The following AOPEP variants were observed in gnomAD, a reference collection of about 807,000 sequenced individuals.
The protein encoded by AOPEP is aminopeptidase O (putative).
Under a neutral mutation model 98.1 loss-of-function variants are expected in AOPEP, and 77 were observed. That is an observed-to-expected ratio of 0.78 (90% CI 0.65 to 0.95). The LOEUF (loss-of-function observed/expected upper bound fraction) is 0.95, where lower values mean the gene tolerates loss of function less well. AOPEP is among the 40% of genes least tolerant of loss of function. The pLI, the probability that AOPEP is intolerant of heterozygous loss-of-function variation, is 0.00. For missense variants in AOPEP, 1,024 were observed against 1,024.7 expected (o/e 1.00, Z 0.01); for synonymous variants, 346 against 365.3 (o/e 0.95, Z 0.60).
intron 3 of AOPEP, among the ~76,000 whole-genome samples, chr9:94,787,297 T>C (rs1588207920): frequency 6.6e-6 from 1 of 152,330 alleles, no homozygotes; most frequent in Middle Eastern, 3.4e-3. Flanking sequence ...CATGTCACCT[T>C]GAGAGTGCAG....
chr9:95,088,087 C>T (rs981645886), downstream of AOPEP, among the ~76,000 whole-genome samples: 3 of 152,184 alleles, frequency 2.0e-5, no homozygotes, highest in African/African-American at 7.2e-5. Context: ...GTATAGCTGG[C>T]TGTGCCATCG....
chr9:94,748,840 C>T (rs1835084896), intron 1 of AOPEP, among the ~76,000 whole-genome samples: 1 of 152,148 alleles, frequency 6.6e-6, no homozygotes, highest in Admixed American at 6.5e-5. Flanking sequence ...AGGTAAGGTA[C>T]CCTTCTCATT....
the AOPEP span, among the ~76,000 whole-genome samples, chr9:95,143,479 T>C: frequency 3.9e-5 from 6 of 152,130 alleles, no homozygotes; most frequent in African/African-American, 1.4e-4. Context: ...TACACTCAGG[T>C]GTGGTGAAAA....
At chr9:95,106,310 G>GT in the AOPEP span, among the ~76,000 whole-genome samples, 1 of 152,092 alleles carries the variant, frequency 6.6e-6, no homozygotes, top group Non-Finnish European at 1.5e-5. Context: ...GAATTGGGTT[G>GT]TTTATCTTTT....
chr9:94,951,973 G>A (rs1179093241), intron 7 of AOPEP, among the ~76,000 whole-genome samples: 28 of 152,228 alleles, frequency 1.8e-4, no homozygotes, highest in Admixed American at 1.8e-3. Context: ...TGGACTAAGT[G>A]CCACAGCTGC....
In AOPEP at chr9:94,760,172, A is replaced by G; in HGVS notation, c.389A>G (p.Tyr130Cys). Residue 130 changes from tyrosine (Y) to cysteine (C), a missense_variant, in exon 2 of 17, where the codon TAC becomes TGC. Transcript: ENST00000375315. ...GCTTCTGGGATTTCTAGCTCAAAGT[A>G]CTGCTGTGACACAGGGAATCATGGG... ...EHASGISSSKYCCDTGNHGSE... is the reference protein window; with the variant it reads ...EHASGISSSKCCCDTGNHGSE... The G allele has an allele frequency of 6.2e-7, 1 of 1,614,222 alleles. No homozygotes were observed. Among genetic ancestry groups the G allele is most frequent in the Non-Finnish European group, 8.5e-7 (1 of 1,180,040 alleles).
intron 3 of AOPEP, among the ~76,000 whole-genome samples, chr9:94,775,032 TA>T (rs1180769405): frequency 1.3e-5 from 2 of 152,132 alleles, no homozygotes; most frequent in African/African-American, 2.4e-5. Flanking sequence ...ATTGGCTCTT[TA>T]AAAAAAGATA....
intron 9 of AOPEP, among the ~76,000 whole-genome samples, chr9:94,961,309 G>A (rs2058825907): frequency 6.6e-6 from 1 of 152,092 alleles, no homozygotes; most frequent in South Asian, 2.1e-4. Flanking sequence ...AAAATAGTGT[G>A]CATTTTTATT....
chr9:95,078,631 C>T (rs544806785), intron 14 of AOPEP, among the ~76,000 whole-genome samples: 31 of 152,386 alleles, frequency 2.0e-4, no homozygotes, highest in African/African-American at 7.0e-4. Context: ...CCCCAGCTGT[C>T]GCTCCCATCC....
At chr9:94,876,429 G>A (rs867248753) in intron 5 of AOPEP, among the ~76,000 whole-genome samples, 70 of 150,770 alleles carry the variant, frequency 4.6e-4, no homozygotes, top group African/African-American at 1.7e-3. Context: ...GCAATGGCGC[G>A]ATCTTGGCTC....
chr9:95,009,903 C>G (rs958048643), intron 13 of AOPEP, among the ~76,000 whole-genome samples: 1 of 150,562 alleles, frequency 6.6e-6, no homozygotes, highest in African/African-American at 2.4e-5. Context: ...TCATTGAGCC[C>G]AAATGATAAA....
chr9:94,851,816 G>T (rs1250419043), intron 5 of AOPEP, among the ~76,000 whole-genome samples: 1 of 149,976 alleles, frequency 6.7e-6, no homozygotes, highest in African/African-American at 2.5e-5. Flanking sequence ...AATCCTAGCT[G>T]CTTTTTAACC....
At chr9:94,825,615 A>G (rs1664655244) in intron 5 of AOPEP, among the ~76,000 whole-genome samples, 2 of 152,222 alleles carry the variant, frequency 1.3e-5, no homozygotes, top group Admixed American at 1.3e-4. Flanking sequence ...TGGAACATGC[A>G]GTGTTCTTTT....
At chr9:94,880,188 A>G (rs962362957) in intron 5 of AOPEP, among the ~76,000 whole-genome samples, 1 of 152,188 alleles carries the variant, frequency 6.6e-6, no homozygotes, top group African/African-American at 2.4e-5. Flanking sequence ...TTTTACAGGT[A>G]TCATCTTCAA....
chr9:94,779,103 G>A lies in AOPEP; in HGVS notation c.964+5935G>A, dbSNP rs76121653. Among the ~76,000 whole-genome samples, 991 of 152,258 alleles carry A rather than the reference G, an allele frequency of 6.5e-3. 9 individuals carry two copies. Among genetic ancestry groups the A allele is most frequent in the African/African-American group, 0.023 (935 of 41,524 alleles). ...GTGTCAACTTGACTGGATTAAAGGG[G>A]TTGGCAGATACACGCAGCTTCTTTA... is the stretch of plus-strand genomic sequence containing the variant. On this transcript the variant is annotated intron_variant, in intron 3 of 16. Transcript: ENST00000375315.
intron 5 of AOPEP, among the ~76,000 whole-genome samples, chr9:94,868,404 C>T (rs950431762): frequency 2.0e-5 from 3 of 152,198 alleles, no homozygotes; most frequent in Admixed American, 1.3e-4. Flanking sequence ...AGATGTAACA[C>T]GGCTACCTTG....
intron 5 of AOPEP, among the ~76,000 whole-genome samples, chr9:94,857,482 A>G (rs139972713): frequency 6.6e-6 from 1 of 152,300 alleles, no homozygotes; most frequent in East Asian, 1.9e-4. Flanking sequence ...GTAGGAGCGC[A>G]TTTTCCTTGT....
chr9:94,925,312 C>CT (rs1299531140), intron 6 of AOPEP, among the ~76,000 whole-genome samples: 6 of 152,198 alleles, frequency 3.9e-5, no homozygotes, highest in Non-Finnish European at 7.3e-5. Flanking sequence ...GTTTAGGTCA[C>CT]TTTTTTCCCC....
the AOPEP span, chr9:95,110,608 C>A: frequency 6.5e-5 from 68 of 1,039,532 alleles, no homozygotes; most frequent in Non-Finnish European, 7.3e-5. Context: ...CTATGCCATG[C>A]AAGCCTTTAA....
Sources: allele counts gnomAD v4.1 joint callset (sites outside exome capture counted in the v4.1 genomes callset), GRCh38; gene constraint gnomAD v4.1.1; transcripts MANE v1.5; gene names NCBI Gene and HGNC (gene_info 2026-07-23, HGNC 2026-07-21).